PRDM15: variants seen among roughly 807,000 people sequenced by gnomAD.
PRDM15 encodes the protein PR domain zinc finger protein 15.
PRDM15 carries 64 observed loss-of-function variants against 128.6 expected under a neutral mutation model. The observed-to-expected ratio is 0.50, with a 90% CI of 0.41 to 0.61. PRDM15 has a LOEUF of 0.61. Ranked by LOEUF, PRDM15 falls within the 20% of genes least tolerant of loss-of-function variation. The pLI, the probability that PRDM15 is intolerant of heterozygous loss-of-function variation, is 0.00. For missense variants in PRDM15, 1,242 were observed against 1,569.1 expected, an observed-to-expected ratio of 0.79 and a Z score of 3.52; for synonymous variants, 615 against 621.8, an observed-to-expected ratio of 0.99 and a Z score of 0.16.
In PRDM15 at chr21:41,800,208, A is replaced by C. The variant is rs912613257; in HGVS notation, c.*1032T>G. On this transcript the variant is annotated 3_prime_UTR_variant, in exon 24 of 24. Coordinates refer to ENST00000398548, the MANE Select transcript of PRDM15 (RefSeq NM_001040424.3). ...CCTTTGGAATTGAAGTTTAAACAGA[A>C]GGAAAATATGACTTTTCCCCCGTTT... is the stretch of plus-strand genomic sequence containing the variant. 6.6e-6 allele frequency: 1 copy of C among 152,260 alleles called. No homozygotes were observed. Among genetic ancestry groups the C allele is most frequent in the African/African-American group, 2.4e-5 (1 of 41,468 alleles). 9.4% of individuals were successfully genotyped at this position (152,260 alleles called of 1,614,324 possible). A position where few individuals can be genotyped will look rare whatever the true frequency, so the allele number is the denominator to read the frequency against.
intron 1 of PRDM15, 121 bp from the exon 2 acceptor site, chr21:41,860,493 G>C: frequency 1.3e-6 from 1 of 759,192 alleles, no homozygotes; most frequent in Non-Finnish European, 2.2e-6. Flanking sequence ...CAGGATCTTG[G>C]CTCACTGCAA....
chr21:41,867,307 G>T (rs772711497), intron 1 of PRDM15: 2 of 1,612,694 alleles, frequency 1.2e-6, no homozygotes, highest in African/African-American at 1.3e-5. Context: ...GACCTCCTCC[G>T]TTCGCAATCT....
chr21:41,821,509 G>C lies in PRDM15; in HGVS notation c.1897-279C>G, dbSNP rs1223656755. Among the ~76,000 whole-genome samples, 1 of 152,200 alleles carries C rather than the reference G, an allele frequency of 6.6e-6. No individual in the cohort carries two copies. Among genetic ancestry groups the C allele is most frequent in the South Asian group, 2.1e-4 (1 of 4,834 alleles). The stretch of plus-strand genomic sequence containing the variant: ...CAGGGGAGGCCTCGTGAGGGCTTCA[G>C]GCCTCAGCAGGGAGGAGGAGGGGGA... On this transcript the variant is annotated intron_variant, in intron 15 of 23. Transcript: ENST00000398548. This position sits in a 1 kb window ranked among gnomAD's most constrained non-coding sequence, Gnocchi z 5.4.
intron 9 of PRDM15, 52 bp from the exon 10 acceptor site, chr21:41,836,259 G>T: frequency 6.5e-7 from 1 of 1,528,942 alleles, no homozygotes; most frequent in Non-Finnish European, 9.0e-7. Context: ...CATTTACCGA[G>T]AGAAGCATGC....
Position 41,857,277 on chromosome 21 carries a change from C to T in PRDM15, c.184G>A (p.Gly62Arg). The part of the protein sequence containing the change: ...EIRRLEDGAE[G>R]VFAITQLVKR... ...ACGAGCTGAGTGATGGCGAACACCCCCTCGGCTCCATCTTCCAGTCGTCTG... is the reference window on the plus strand; with the variant it reads ...ACGAGCTGAGTGATGGCGAACACCCTCTCGGCTCCATCTTCCAGTCGTCTG... Residue 62 changes from glycine to arginine, a missense_variant, in exon 4 of 24, where the codon GGG becomes AGG. Gly to Arg is a moderately radical substitution (Grantham distance 125). This residue lies in a region of PRDM15 where 612 missense variants were observed against 717.0 expected (regional missense o/e 0.85). Coordinates refer to ENST00000398548, the MANE Select transcript of PRDM15 (RefSeq NM_001040424.3). The T allele has an allele frequency of 6.2e-7, 1 of 1,613,944 alleles. No individual in the cohort carries two copies. Among genetic ancestry groups the T allele is most frequent in the Non-Finnish European group, 8.5e-7 (1 of 1,179,992 alleles).
At chr21:41,843,854 T>C (rs971742190) in intron 6 of PRDM15, among the ~76,000 whole-genome samples, 1 of 149,348 alleles carries the variant, frequency 6.7e-6, no homozygotes, top group Non-Finnish European at 1.5e-5. Flanking sequence ...GAGGTCAAAA[T>C]GAGAGGATCA....
rs2145839094 is a variant in PRDM15 at position 41,854,007 on chromosome 21, A to G, written c.538+559T>C. 6.6e-6 allele frequency among the ~76,000 whole-genome samples: 1 copy of G among 152,386 alleles called. No individual in the cohort carries two copies. Among genetic ancestry groups the G allele is most frequent in the South Asian group, 2.1e-4 (1 of 4,832 alleles). On this transcript the variant is annotated intron_variant, in intron 5 of 23. Transcript: ENST00000398548. The surrounding 1 kb of genome is among the most constrained non-coding windows in gnomAD (Gnocchi z 4.6). ...GGAGGATGGGTCACTCACTGCACGT[A>G]GCCCCCAGGGCAGAGCTAAGCAGTC...
Position 41,819,566 on chromosome 21 carries a change from C to CA in PRDM15, c.2260+15dup. On this transcript the variant is annotated intron_variant, in intron 18 of 23. Transcript: ENST00000398548. ...CCTGGCTGAGCCTGGCCCATGTCCC[C>CA]AGCACCCGTACCCACCTTTCCCACA... The CA allele has an allele frequency of 6.2e-7, 1 of 1,609,492 alleles. No individual in the cohort carries two copies. The highest frequency in any genetic ancestry group is 2.2e-5 in the East Asian group (1 of 44,746).
chr21:41,849,546 CGA>C (rs1326853501), intron 5 of PRDM15, among the ~76,000 whole-genome samples: 3 of 148,164 alleles, frequency 2.0e-5, no homozygotes, highest in Non-Finnish European at 3.0e-5. Flanking sequence ...CCAGCCTGGG[CGA>C]CAGACTGACT....
chr21:41,819,167 C>T (rs893834718), intron 18 of PRDM15, among the ~76,000 whole-genome samples: 5 of 152,260 alleles, frequency 3.3e-5, no homozygotes, highest in African/African-American at 1.2e-4. Flanking sequence ...TGCCTCGAGT[C>T]CTTCTTTCCT....
intron 8 of PRDM15, among the ~76,000 whole-genome samples, chr21:41,837,550 G>T (rs1051970885): frequency 1.3e-5 from 2 of 152,052 alleles, no homozygotes; most frequent in African/African-American, 4.8e-5. Context: ...GGGCTGGAGC[G>T]GGTGCTTAGT....
chr21:41,837,822 A>T, intron 8 of PRDM15, 112 bp downstream of exon 8: 23 of 1,194,442 alleles, frequency 1.9e-5, no homozygotes, highest in Non-Finnish European at 2.7e-5. Flanking sequence ...GTCTGTTTCC[A>T]TCTCCTTCCC....
Position 41,854,360 on chromosome 21 carries a change from T to C in PRDM15, c.538+206A>G, listed in dbSNP as rs1038678450. Reference sequence around the variant, plus strand: ...ACTGCCTCACTGTGTTAACTTGTGTTACATCCACGTGCCCAAACTGACCAA... The same window carrying C: ...ACTGCCTCACTGTGTTAACTTGTGTCACATCCACGTGCCCAAACTGACCAA... On this transcript the variant is annotated intron_variant, in intron 5 of 23. Transcript: ENST00000398548. This position sits in a 1 kb window ranked among gnomAD's most constrained non-coding sequence, Gnocchi z 4.6. Among the ~76,000 whole-genome samples, 3 of 152,152 alleles carry C rather than the reference T, an allele frequency of 2.0e-5. No homozygotes were observed. The highest frequency in any genetic ancestry group is 7.2e-5 in the African/African-American group (3 of 41,438).
intron 6 of PRDM15, 72 bp from the exon 7 acceptor site, chr21:41,839,925 G>T: frequency 8.0e-7 from 1 of 1,246,068 alleles, no homozygotes; most frequent in Non-Finnish European, 1.2e-6. Context: ...CTGGCCTCTG[G>T]TTCCTATGTG....
chr21:41,801,374 G>C lies in PRDM15; in HGVS notation c.3292C>G (p.Gln1098Glu), dbSNP rs751840680. Residue 1098 changes from glutamine to glutamate, a missense_variant, in exon 24 of 24, where the codon CAG becomes GAG. Physicochemically the swap from Gln to Glu is conservative, Grantham distance 29 (BLOSUM62 2). Transcript: ENST00000398548. ...ACTGCCCGCCACGTGAGCGGGTGCT[G>C]GTCACTAAGCTGGCTCCCCAGGGGC... ...ITPLGSQLSDQHPLTWRAVPQ... is the reference protein window; with the variant it reads ...ITPLGSQLSDEHPLTWRAVPQ... 1 of 1,611,380 alleles carries C rather than the reference G, an allele frequency of 6.2e-7. No homozygotes were observed. The highest frequency in any genetic ancestry group is 1.1e-5 in the South Asian group (1 of 90,936).
chr21:41,874,169 A>G (rs373441379), intron 1 of PRDM15, among the ~76,000 whole-genome samples: 1 of 151,864 alleles, frequency 6.6e-6, no homozygotes, highest in East Asian at 1.9e-4. Context: ...TTAAAAAAAA[A>G]AGGGCGGGAG....
chr21:41,807,587 G>A (rs2061721751), intron 21 of PRDM15, among the ~76,000 whole-genome samples: 1 of 92,814 alleles, frequency 1.1e-5, no homozygotes, highest in East Asian at 3.1e-4. Context: ...ATTCTAGTTT[G>A]TAATCACTTT....
chr21:41,868,966 G>T (rs2064116311), intron 1 of PRDM15, among the ~76,000 whole-genome samples: 1 of 152,276 alleles, frequency 6.6e-6, no homozygotes, highest in Non-Finnish European at 1.5e-5. Flanking sequence ...GGGATTCCAG[G>T]CATGAGCCAC....
chr21:41,842,215 A>G (rs999746499), intron 6 of PRDM15, among the ~76,000 whole-genome samples: 1 of 152,256 alleles, frequency 6.6e-6, no homozygotes, highest in Non-Finnish European at 1.5e-5. Context: ...AACCAGTCCT[A>G]GCTGCAAAAG....
Sources: gnomAD v4.1 joint callset for allele counts (sites outside exome capture counted in the v4.1 genomes callset) on GRCh38, gnomAD v4.1.1 for gene constraint, gnomAD v4.1.1 regional missense constraint, Gnocchi (gnomAD v3.1) non-coding constraint, MANE v1.5 for transcripts, NCBI Gene and HGNC (gene_info 2026-07-23, HGNC 2026-07-21) for gene names.